The following HIRA variants were observed in gnomAD, a reference collection of about 807,000 sequenced individuals.
HIRA encodes histone cell cycle regulator.
A neutral mutation model predicts 126.6 loss-of-function variants in HIRA; 13 were observed. The ratio of observed to expected loss-of-function variants is 0.10; its 90% CI spans 0.07 to 0.16. HIRA has a LOEUF of 0.16. Among genes scored for constraint, HIRA ranks in the 10% least tolerant of loss-of-function variants. The pLI, the probability that HIRA is intolerant of heterozygous loss-of-function variation, is 1.00. For synonymous variants in HIRA, 511 were observed against 520.0 expected (o/e 0.98, Z 0.24); for missense variants, 834 against 1,314.4 (o/e 0.63, Z 5.65).
chr22:19,418,838 T>C (rs573495667), intron 1 of HIRA, among the ~76,000 whole-genome samples: 118 of 152,162 alleles, frequency 7.8e-4, no homozygotes, highest in Non-Finnish European at 1.3e-3. Flanking sequence ...AATGTTAACA[T>C]TGGGAGAAAC....
chr22:19,408,712 A>G, intron 2 of HIRA, 119 bp from the exon 3 acceptor site: 1 of 597,650 alleles, frequency 1.7e-6, no homozygotes, highest in Admixed American at 2.8e-5. Context: ...ATAATTAACT[A>G]GATCTAAGGA....
At chr22:19,421,797 G>A (rs7291851) in intron 1 of HIRA, among the ~76,000 whole-genome samples, 1,533 of 152,158 alleles carry the variant, frequency 0.01, 29 homozygotes, top group African/African-American at 0.034. Flanking sequence ...TCAGCCTCCC[G>A]AGTTGCTGGG....
chr22:19,343,463 T>G (rs547462701), intron 24 of HIRA, among the ~76,000 whole-genome samples: 3 of 152,136 alleles, frequency 2.0e-5, no homozygotes, highest in Admixed American at 1.3e-4. Flanking sequence ...CTCAGGAGGC[T>G]GAGGTGGGAG....
chr22:19,399,108 G>A (rs531601770), intron 5 of HIRA: 39 of 984,988 alleles, frequency 4.0e-5, no homozygotes, highest in Admixed American at 6.1e-5. Flanking sequence ...CCGCTGTGAC[G>A]ATGGTGCCAA....
intron 1 of HIRA, among the ~76,000 whole-genome samples, chr22:19,415,015 A>G (rs1405939892): frequency 6.6e-6 from 1 of 152,078 alleles, no homozygotes; most frequent in Non-Finnish European, 1.5e-5. Context: ...ACGCAATCTC[A>G]GCTCACTGCA....
chr22:19,412,669 C>A (rs546685213), intron 1 of HIRA, among the ~76,000 whole-genome samples: 1 of 152,304 alleles, frequency 6.6e-6, no homozygotes, highest in South Asian at 2.1e-4. Flanking sequence ...GAAACCCTTA[C>A]CTGCAAGTCA....
At chr22:19,364,214 A>G (rs182394830) in intron 15 of HIRA, among the ~76,000 whole-genome samples, 132 of 152,328 alleles carry the variant, frequency 8.7e-4, no homozygotes, top group African/African-American at 2.2e-3. Context: ...CACTAATCAA[A>G]AAAAGGTGGT....
intron 1 of HIRA, among the ~76,000 whole-genome samples, chr22:19,427,678 T>G (rs886456233): frequency 6.6e-5 from 10 of 152,206 alleles, no homozygotes; most frequent in Non-Finnish European, 1.3e-4. Flanking sequence ...GGACAAGAGC[T>G]CTTTCAGTCC....
chr22:19,384,342 A>G (rs1014454664), intron 12 of HIRA, among the ~76,000 whole-genome samples: 4 of 151,478 alleles, frequency 2.6e-5, no homozygotes, highest in Non-Finnish European at 2.9e-5. Context: ...AAAAAAAAAA[A>G]AGAGAGATAT....
At chr22:19,362,240 A>G (rs2088870665) in intron 15 of HIRA, among the ~76,000 whole-genome samples, 1 of 152,240 alleles carries the variant, frequency 6.6e-6, no homozygotes, top group Non-Finnish European at 1.5e-5. Flanking sequence ...TAGAGAAAAA[A>G]AACAATGAAC....
At chr22:19,361,977 G>GC in intron 15 of HIRA, 46 bp from the exon 16 acceptor site, 1 of 1,565,882 alleles carries the variant, frequency 6.4e-7, no homozygotes, top group Non-Finnish European at 8.8e-7. Context: ...AACCATTCAT[G>GC]CAAGAAAGAG....
intron 15 of HIRA, among the ~76,000 whole-genome samples, chr22:19,368,091 A>G (rs947821087): frequency 1.3e-5 from 2 of 152,058 alleles, no homozygotes; most frequent in Admixed American, 6.5e-5. Flanking sequence ...CCTGTCTAGT[A>G]TCCAAGAGCC....
At position 19,383,649 on chromosome 22, in the gene HIRA, C is replaced by T. The variant is rs542483820; in HGVS notation, c.1386G>A (p.Thr462=). The T allele has an allele frequency of 1.9e-4, 310 of 1,614,074 alleles. 3 individuals carry two copies. The South Asian group carries it at 2.8e-3, about 15-fold the overall frequency. The change falls in exon 13 of 25, where the codon ACG becomes ACA. Residue 462 remains threonine (T), a synonymous_variant. Coordinates refer to ENST00000263208, the MANE Select transcript of HIRA (RefSeq NM_003325.4). ...TRTADGRRRI[T]PLCIAQLDTG... is the part of the protein sequence containing the mutation. ...TGTCCAGCTGTGCTATGCAGAGAGG[C>T]GTGATTCTTCTCCGGCCATCTGCTG...
intron 24 of HIRA, among the ~76,000 whole-genome samples, chr22:19,338,815 A>G (rs10222328): frequency 6.6e-6 from 1 of 152,234 alleles, no homozygotes; most frequent in African/African-American, 2.4e-5. Flanking sequence ...CCAAATTTAT[A>G]AAACAATTAG....
At chr22:19,421,669 C>T (rs1474106204) in intron 1 of HIRA, among the ~76,000 whole-genome samples, 1 of 152,048 alleles carries the variant, frequency 6.6e-6, no homozygotes, top group Admixed American at 6.6e-5. Flanking sequence ...TCTCTTAACT[C>T]TTTTGTGTGT....
rs1436950635 is a variant in HIRA, at chr22:19,356,943, A to T, written c.2343T>A (p.His781Gln). 1 of 1,613,910 alleles carries T rather than the reference A, an allele frequency of 6.2e-7. No homozygotes were observed. Among genetic ancestry groups the T allele is most frequent in the Non-Finnish European group, 8.5e-7 (1 of 1,180,028 alleles). ...ILLPSPISTL[H>Q]CTGSYVMALT... ...GCGCCATGACGTAGGAGCCTGTGCA[A>T]TGCAAAGTAGAGATCGGGGATGGCA... The change falls in exon 19 of 25, where the codon CAT (histidine) becomes CAA (glutamine). Residue 781 changes from histidine (H) to glutamine (Q), a missense_variant. Coordinates refer to ENST00000263208, the MANE Select transcript of HIRA (RefSeq NM_003325.4).
chr22:19,346,761 G>A (rs1241872180), intron 24 of HIRA, among the ~76,000 whole-genome samples: 1 of 152,182 alleles, frequency 6.6e-6, no homozygotes, highest in Non-Finnish European at 1.5e-5. Flanking sequence ...TCTTGGACAT[G>A]GAAGCCACCT....
Position 19,355,800 on chromosome 22 carries a change from C to T in HIRA, c.2521G>A (p.Asp841Asn), listed in dbSNP as rs369016927. The change falls in exon 21 of 25, where the codon GAT (aspartate) becomes AAT (asparagine). Residue 841 changes from aspartate (D) to asparagine (N), a missense_variant. Transcript: ENST00000263208. Reference protein sequence around the residue: ...QHGIPVMNLSDGKAYCFNPSL... With the variant: ...QHGIPVMNLSNGKAYCFNPSL... ...GGATTAAAGCAGTACGCCTTCCCAT[C>T]GGACAGGTTCATTACTGGGATTCCA... 79 of 1,613,944 alleles carry T rather than the reference C, an allele frequency of 4.9e-5. 1 individual carries two copies. The highest frequency in any genetic ancestry group is 4.7e-4 in the East Asian group (21 of 44,896).
At chr22:19,355,407 AATT>A (rs2088801677) in intron 21 of HIRA, among the ~76,000 whole-genome samples, 1 of 152,212 alleles carries the variant, frequency 6.6e-6, no homozygotes, top group Non-Finnish European at 1.5e-5. Context: ...AGCTCACAGA[AATT>A]GACTAGTCCT....
Sources: gnomAD v4.1 joint callset for allele counts (sites outside exome capture counted in the v4.1 genomes callset) on GRCh38, gnomAD v4.1.1 for gene constraint, MANE v1.5 for transcripts, NCBI Gene and HGNC (gene_info 2026-07-23, HGNC 2026-07-21) for gene names.